Variants in CDH13 observed in about 807,000 individuals in gnomAD.
The protein encoded by CDH13 is cadherin-13.
Under a neutral mutation model 63.8 loss-of-function variants are expected in CDH13, and 24 were observed. The ratio of observed to expected loss-of-function variants is 0.38; its 90% CI spans 0.27 to 0.53. CDH13 has a LOEUF of 0.53. Ranked by LOEUF, CDH13 falls within the 20% of genes least tolerant of loss-of-function variation. CDH13 has a pLI of 0.85. For missense variants in CDH13, 1,049 were observed against 903.1 expected (o/e 1.16, Z -2.07); for synonymous variants, 503 against 355.3 (o/e 1.42, Z -4.67).
At chr16:83,576,153 C>T (rs967581125) in intron 7 of CDH13, among the ~76,000 whole-genome samples, 3 of 152,200 alleles carry the variant, frequency 2.0e-5, no homozygotes, top group Admixed American at 2.0e-4. Context: ...TAAGTAGCCT[C>T]TCCCACTTCT....
At chr16:83,214,716 G>C (rs1216821122) in intron 4 of CDH13, among the ~76,000 whole-genome samples, 1 of 151,682 alleles carries the variant, frequency 6.6e-6, no homozygotes, top group Admixed American at 6.6e-5. Flanking sequence ...GATTAACTGA[G>C]CTCCTTCTGT....
At chr16:83,479,130 T>G (rs1252101442) in intron 6 of CDH13, among the ~76,000 whole-genome samples, 2 of 152,196 alleles carry the variant, frequency 1.3e-5, no homozygotes, top group East Asian at 3.9e-4. Flanking sequence ...AGGAAGCGGA[T>G]GCATGCATAT....
intron 6 of CDH13, among the ~76,000 whole-genome samples, chr16:83,374,368 T>G (rs2306903): frequency 0.43 from 65,465 of 152,034 alleles, 14,557 homozygotes; most frequent in Middle Eastern, 0.48. Flanking sequence ...AGGTCTTAGG[T>G]TTGCTTGCTT....
intron 1 of CDH13, among the ~76,000 whole-genome samples, chr16:82,677,901 C>T (rs1914114217): frequency 6.6e-6 from 1 of 152,166 alleles, no homozygotes; most frequent in African/African-American, 2.4e-5. Context: ...CTTGCTCTCA[C>T]ATATTTGCCA....
chr16:83,036,995 G>T (rs1449939911), intron 3 of CDH13, among the ~76,000 whole-genome samples: 3 of 152,190 alleles, frequency 2.0e-5, no homozygotes, highest in Non-Finnish European at 4.4e-5. Flanking sequence ...AAGACCAGGA[G>T]GAGGGATTCT....
chr16:83,297,247 A>C (rs1028239238), intron 5 of CDH13, among the ~76,000 whole-genome samples: 4 of 152,182 alleles, frequency 2.6e-5, no homozygotes, highest in Admixed American at 1.3e-4. Flanking sequence ...TCTCAACACA[A>C]AGAAATGGCA....
At chr16:82,984,044 C>G (rs1444028458) in intron 2 of CDH13, among the ~76,000 whole-genome samples, 1 of 152,204 alleles carries the variant, frequency 6.6e-6, no homozygotes, top group African/African-American at 2.4e-5. Flanking sequence ...CCACCTCAGA[C>G]AGTTGTAGAA....
At position 83,000,220 on chromosome 16, in the gene CDH13, CTTATTTTTTTTTT is replaced by C. The variant is rs1912723345; in HGVS notation, c.158-31787_158-31775del. ...TCCCTAGGAATATCCACAGGTTTAG[CTTATTTTTTTTTT>C]TTTTTTTTTTTTTTTTTTTTTTTTT... On this transcript the variant is annotated intron_variant, in intron 2 of 13. Transcript: ENST00000567109. Among the ~76,000 whole-genome samples, 51 of 33,960 alleles carry C rather than the reference CTTATTTTTTTTTT, an allele frequency of 1.5e-3. 2 individuals are homozygous for C. The highest frequency in any genetic ancestry group is 4.1e-3 in the African/African-American group (40 of 9,664). 22.3% of individuals were successfully genotyped at this position (33,960 alleles called of 152,430 possible). A position where few individuals can be genotyped will look rare whatever the true frequency, so the allele number is the denominator to read the frequency against.
chr16:83,561,662 C>T (rs2075711585), intron 7 of CDH13, among the ~76,000 whole-genome samples: 1 of 152,180 alleles, frequency 6.6e-6, no homozygotes. Flanking sequence ...CCTTCATTTT[C>T]TTATTTCCAA....
At chr16:83,084,180 C>T (rs535200952) in intron 3 of CDH13, among the ~76,000 whole-genome samples, 4 of 152,236 alleles carry the variant, frequency 2.6e-5, no homozygotes, top group African/African-American at 7.2e-5. Context: ...CTGATGGGCA[C>T]GTACACAAAA....
At chr16:83,418,691 AG>A (rs35432487) in intron 6 of CDH13, among the ~76,000 whole-genome samples, 2 of 110,188 alleles carry the variant, frequency 1.8e-5, no homozygotes, top group East Asian at 8.0e-4. Context: ...GTTTTAGCAA[AG>A]AGAGAGAGAG....
Position 83,420,962 on chromosome 16 carries a change from T to G in CDH13, c.782-65515T>G, listed in dbSNP as rs112115238. Among the ~76,000 whole-genome samples the G allele has an allele frequency of 3.5e-3, 528 of 152,308 alleles. 7 individuals carry two copies. The highest frequency in any genetic ancestry group is 0.012 in the African/African-American group (510 of 41,572). The stretch of plus-strand genomic sequence containing the variant: ...ACCCAGCAAGCAAGGTTATCACACC[T>G]TCTTCTGCCTGCTTTGTTCTAGCCA... On this transcript the variant is annotated intron_variant, in intron 6 of 13. Coordinates refer to ENST00000567109, the MANE Select transcript of CDH13 (RefSeq NM_001257.5).
intron 3 of CDH13, among the ~76,000 whole-genome samples, chr16:83,082,240 C>T (rs1432061148): frequency 6.6e-6 from 1 of 152,214 alleles, no homozygotes; most frequent in Non-Finnish European, 1.5e-5. Flanking sequence ...TTATGTCTTT[C>T]TCACATGCAA....
chr16:82,829,073 G>A (rs928584756), intron 1 of CDH13, among the ~76,000 whole-genome samples: 1 of 152,184 alleles, frequency 6.6e-6, no homozygotes, highest in Non-Finnish European at 1.5e-5. Flanking sequence ...ACATTGTCCA[G>A]AAGTAAGGGT....
intron 7 of CDH13, among the ~76,000 whole-genome samples, chr16:83,495,709 G>T (rs966885231): frequency 3.3e-5 from 5 of 152,200 alleles, no homozygotes; most frequent in Non-Finnish European, 4.4e-5. Context: ...AGGCTGGAAA[G>T]TAAGCCACAT....
At chr16:82,937,419 GCACACACACACACACACAGACACACA>G (rs2042704175) in intron 2 of CDH13, among the ~76,000 whole-genome samples, 1 of 149,006 alleles carries the variant, frequency 6.7e-6, no homozygotes, top group Admixed American at 6.7e-5. Flanking sequence ...ACATACACAT[GCACACACACACACACACAGACACACA>G]CACACACACA....
intron 1 of CDH13, among the ~76,000 whole-genome samples, chr16:82,670,515 T>A (rs1913114435): frequency 6.6e-6 from 1 of 152,166 alleles, no homozygotes. Context: ...AGGGTGACCA[T>A]GCACTACCCA....
At chr16:83,302,492 A>G (rs2089772501) in intron 5 of CDH13, among the ~76,000 whole-genome samples, 1 of 152,218 alleles carries the variant, frequency 6.6e-6, no homozygotes, top group African/African-American at 2.4e-5. Context: ...GGGGCTCCTT[A>G]TATTCTAGAA....
intron 4 of CDH13, among the ~76,000 whole-genome samples, chr16:83,174,971 C>T (rs2151734896): frequency 6.6e-6 from 1 of 152,222 alleles, no homozygotes; most frequent in Non-Finnish European, 1.5e-5. Context: ...CCAACCAGGT[C>T]CCTCCCCTGA....
Sources: allele counts gnomAD v4.1 joint callset (sites outside exome capture counted in the v4.1 genomes callset), GRCh38; gene constraint gnomAD v4.1.1; transcripts MANE v1.5; gene names NCBI Gene and HGNC (gene_info 2026-07-23, HGNC 2026-07-21).